FCHSD1: variants seen among roughly 807,000 people sequenced by gnomAD.
The protein encoded by FCHSD1 is F-BAR and double SH3 domains protein 1.
In FCHSD1, 109 loss-of-function variants were observed where a neutral mutation model predicts 101.3. The observed-to-expected ratio is 1.08, with a 90% CI of 0.92 to 1.26. The LOEUF (loss-of-function observed/expected upper bound fraction) is 1.26. FCHSD1 is among the 50% of genes most tolerant of loss of function. The pLI, the probability that FCHSD1 is intolerant of heterozygous loss-of-function variation, is 0.00. For synonymous variants in FCHSD1, 291 were observed against 356.8 expected (o/e 0.82, Z 2.08); for missense variants, 820 against 895.8 (o/e 0.92, Z 1.08).
At chr5:141,644,185 G>C in intron 17 of FCHSD1, 33 bp downstream of exon 17, 1 of 1,571,638 alleles carries the variant, frequency 6.4e-7, no homozygotes, top group Non-Finnish European at 8.7e-7. Flanking sequence ...ACCCAGAGGT[G>C]CCTGGGGAGT....
Position 141,640,165 on chromosome 5 carries a change from G to C in FCHSD1, c.*1333C>G. On this transcript the variant is annotated 3_prime_UTR_variant, in exon 20 of 20. Transcript: ENST00000435817. ...CTCAGGGACAGCAGCCTAACCCCTC[G>C]TGCACTTGAAGGGAACCCCAGAGCT... 1 of 1,614,124 alleles carries C rather than the reference G, an allele frequency of 6.2e-7. No homozygotes were observed. Among genetic ancestry groups the C allele is most frequent in the Non-Finnish European group, 8.5e-7 (1 of 1,179,988 alleles).
At chr5:141,647,743 AAGGGTTATCCCTGATG>A (rs2099907834) in intron 8 of FCHSD1, 1 of 953,668 alleles carries the variant, frequency 1.0e-6, no homozygotes, top group African/African-American at 1.7e-5. Flanking sequence ...TAGGCAGAGA[AAGGGTTATCCCTGATG>A]AGGAATCTGG....
chr5:141,650,890 G>T (rs2099908297), intron 2 of FCHSD1, 130 bp downstream of exon 2: 4 of 845,058 alleles, frequency 4.7e-6, no homozygotes, highest in Non-Finnish European at 1.9e-6. Flanking sequence ...CCAGGCCTAG[G>T]GTGAGGGCTG....
chr5:141,649,479 GC>G lies in FCHSD1; in HGVS notation c.290del (p.Gly97AlafsTer14), dbSNP rs1360945502. The stretch of plus-strand genomic sequence containing the variant: ...GGTCAGACGCCTGGAGTCGGGTTTG[GC>G]CCCCAGCCACGGTGGCATCCAGCAG... ...RCLLDATVAG[G>X]QTRLQASDRY... On this transcript the variant is annotated frameshift_variant, in exon 5 of 20. Transcript: ENST00000435817. LOFTEE classifies it high-confidence loss of function. This position sits in a 1 kb window ranked among gnomAD's most constrained non-coding sequence, Gnocchi z 4.1. 1.2e-5 allele frequency: 20 copies of G among 1,613,606 alleles called. No homozygotes were observed. The highest frequency in any genetic ancestry group is 1.7e-5 in the Non-Finnish European group (20 of 1,179,886).
At chr5:141,646,872 CAG>C in intron 10 of FCHSD1, 150 bp from the exon 11 acceptor site, 2 of 1,240,680 alleles carry the variant, frequency 1.6e-6, no homozygotes, top group African/African-American at 3.0e-5. Context: ...AATGTGGACA[CAG>C]AGATACAGAG....
intron 18 of FCHSD1, chr5:141,642,648 C>T (rs1202179267): frequency 1.8e-6 from 1 of 540,990 alleles, no homozygotes; most frequent in African/African-American, 2.0e-5. Flanking sequence ...GAGAAGTTAG[C>T]TAATTTTTAA....
At position 141,651,099 on chromosome 5, in the gene FCHSD1, C is replaced by T; in HGVS notation, c.40G>A (p.Val14Met). ...PPRKVKPAQE[V>M]KLRFLEQLSI... ...AGCTGTTCCAGGAAGCGAAGCTTCA[C>T]CTCCTGGGCCGGCTTCACCTGTGGG... The change falls in exon 2 of 20, where the codon GTG (valine) becomes ATG (methionine). Residue 14 changes from valine (V) to methionine (M), a missense_variant. Val to Met is a conservative substitution (Grantham distance 21). Transcript: ENST00000435817. 1 of 1,591,488 alleles carries T rather than the reference C, an allele frequency of 6.3e-7. No individual in the cohort carries two copies. Among genetic ancestry groups the T allele is most frequent in the Non-Finnish European group, 8.6e-7 (1 of 1,168,518 alleles).
Position 141,650,342 on chromosome 5 carries a change from A to G in FCHSD1, c.165+17T>C. On this transcript the variant is annotated intron_variant, in intron 3 of 19. Transcript: ENST00000435817. Reference sequence around the variant, plus strand: ...GAGGCTGGAACAAGAGGTAAGGTCCAGAGAAAAGTCCCATACCTGCCCATA... The same window carrying G: ...GAGGCTGGAACAAGAGGTAAGGTCCGGAGAAAAGTCCCATACCTGCCCATA... 1 of 1,613,938 alleles carries G rather than the reference A, an allele frequency of 6.2e-7. No individual in the cohort carries two copies. The highest frequency in any genetic ancestry group is 8.5e-7 in the Non-Finnish European group (1 of 1,179,824).
At chr5:141,647,584 G>A (rs568319196) in intron 8 of FCHSD1, 64 bp from the exon 9 acceptor site, 42 of 1,589,316 alleles carry the variant, frequency 2.6e-5, no homozygotes, top group South Asian at 1.2e-4. Context: ...AAATAGGCTC[G>A]TTCCAGATTT....
rs139014914 is a variant in FCHSD1 at position 141,639,556 on chromosome 5, G to A, written c.*1942C>T. On this transcript the variant is annotated 3_prime_UTR_variant, in exon 20 of 20. Transcript: ENST00000435817. This position sits in a 1 kb window ranked among gnomAD's most constrained non-coding sequence, Gnocchi z 4.4. ...GCAGCCCCTTGCCTCCATTGCAGCC[G>A]CAGCAAGAGGCCTCCACTTGTCCGT... The A allele has an allele frequency of 1.4e-5, 22 of 1,613,854 alleles. No homozygotes were observed. The highest frequency in any genetic ancestry group is 3.3e-5 in the South Asian group (3 of 91,082).
At chr5:141,650,070 T>C in intron 3 of FCHSD1, 116 bp from the exon 4 acceptor site, 1 of 1,093,974 alleles carries the variant, frequency 9.1e-7, no homozygotes, top group South Asian at 1.6e-5. Flanking sequence ...TGCCACTTGC[T>C]TTGCTAAATG....
rs201826457 is a variant in FCHSD1, at chr5:141,640,428, G to A, written c.*1070C>T. The stretch of plus-strand genomic sequence containing the variant: ...TTCTCTCAGGTGTCTCTACCACAGG[G>A]AGCAGGGAGTATGTGAGGTGAGTCT... On this transcript the variant is annotated 3_prime_UTR_variant, in exon 20 of 20. Transcript: ENST00000435817. 5.3e-5 allele frequency: 86 copies of A among 1,614,140 alleles called. No homozygotes were observed. In the Middle Eastern group the frequency reaches 2.0e-3, roughly 37 times the overall value.
intron 2 of FCHSD1, 101 bp downstream of exon 2, chr5:141,650,919 A>G (rs1596469281): frequency 8.8e-7 from 1 of 1,133,996 alleles, no homozygotes; most frequent in East Asian, 2.6e-5. Flanking sequence ...TCGGCTGGGG[A>G]GCTCTTGGCC....
Position 141,639,881 on chromosome 5 carries a change from A to C in FCHSD1, c.*1617T>G, listed in dbSNP as rs752273514. The C allele has an allele frequency of 6.2e-7, 1 of 1,607,510 alleles. No homozygotes were observed. The highest frequency in any genetic ancestry group is 1.7e-5 in the Admixed American group (1 of 59,948). ...AGAGGGGAGGGCCAAGCAGCCTCTG[A>C]GTTGTGGTCCTAAACCCCAGTGTTC... is the stretch of plus-strand genomic sequence containing the variant. On this transcript the variant is annotated 3_prime_UTR_variant, in exon 20 of 20. Coordinates refer to ENST00000435817, the MANE Select transcript of FCHSD1 (RefSeq NM_033449.3). The surrounding 1 kb of genome is among the most constrained non-coding windows in gnomAD (Gnocchi z 4.4).
rs201695149 is a variant in FCHSD1 at position 141,643,224 on chromosome 5, G to GGGGT, written c.1864-137_1864-136insACCC. The GGGGT allele has an allele frequency of 1.0e-3, 617 of 593,142 alleles. 6 individuals are homozygous for GGGGT. The African/African-American group carries it at 0.011, about 11-fold the overall frequency. The allele number at this position is 593,142 out of a possible 1,614,324, so 36.7% of individuals were successfully genotyped here. ...GGCCAAATGCTTGCATTCGGTGGGG[G>GGGGT]GGTGTAGCTGACAAATATTTCAACA... is the stretch of plus-strand genomic sequence containing the variant. On this transcript the variant is annotated intron_variant, in intron 17 of 19. Coordinates refer to ENST00000435817, the MANE Select transcript of FCHSD1 (RefSeq NM_033449.3).
At position 141,639,382 on chromosome 5, in the gene FCHSD1, G is replaced by T. The variant is rs1358985785; in HGVS notation, c.*2116C>A. ...AAATTGGGGCTTCTGGGGTTTTAAG[G>T]AGCATGCTGAAAGAACGTAAGAAAC... On this transcript the variant is annotated 3_prime_UTR_variant, in exon 20 of 20. Transcript: ENST00000435817. This position sits in a 1 kb window ranked among gnomAD's most constrained non-coding sequence, Gnocchi z 4.4. 2 of 1,204,190 alleles carry T rather than the reference G, an allele frequency of 1.7e-6. No homozygotes were observed. The highest frequency in any genetic ancestry group is 2.3e-6 in the Non-Finnish European group (2 of 855,780). The allele number at this position is 1,204,190 out of a possible 1,614,324, so 74.6% of individuals were successfully genotyped here.
chr5:141,645,659 G>C, intron 13 of FCHSD1, 112 bp downstream of exon 13: 1 of 1,287,976 alleles, frequency 7.8e-7, no homozygotes, highest in Non-Finnish European at 1.1e-6. Context: ...CTTAAGCCTC[G>C]TAATAACCCT....
chr5:141,646,583 C>T lies in FCHSD1; in HGVS notation c.1044+20G>A, dbSNP rs2099907693. 2 of 1,604,882 alleles carry T rather than the reference C, an allele frequency of 1.2e-6. No individual in the cohort carries two copies. The highest frequency in any genetic ancestry group is 1.3e-5 in the African/African-American group (1 of 74,840). On this transcript the variant is annotated intron_variant, in intron 11 of 19. Transcript: ENST00000435817. ...CTGAGACAAGAAGGTGCACATGACACCTGTGCCCCCCCACCTCACCCGATG... is the reference window on the plus strand; with the variant it reads ...CTGAGACAAGAAGGTGCACATGACATCTGTGCCCCCCCACCTCACCCGATG...
Position 141,641,456 on chromosome 5 carries a change from T to C in FCHSD1, c.*42A>G, listed in dbSNP as rs564562335. On this transcript the variant is annotated 3_prime_UTR_variant, in exon 20 of 20. Transcript: ENST00000435817. ...ATGGTGTGGTCTGACAGCTTGAAGA[T>C]AGGGACAGCAGCATCACTGGGGGTC... 2 of 1,431,778 alleles carry C rather than the reference T, an allele frequency of 1.4e-6. No individual in the cohort carries two copies. Among genetic ancestry groups the C allele is most frequent in the East Asian group, 2.5e-5 (1 of 40,788 alleles). The allele number at this position is 1,431,778 out of a possible 1,614,324, so 88.7% of individuals were successfully genotyped here.
Sources: gnomAD v4.1 joint callset for allele counts on GRCh38, gnomAD v4.1.1 for gene constraint, Gnocchi (gnomAD v3.1) non-coding constraint, MANE v1.5 for transcripts, NCBI Gene and HGNC (gene_info 2026-07-23, HGNC 2026-07-21) for gene names.